FAHD2B: variants seen among roughly 807,000 people sequenced by gnomAD.
FAHD2B encodes fumarylacetoacetate hydrolase domain containing 2B, also known as oxaloacetate tautomerase FAHD2B, mitochondrial.
A neutral mutation model predicts 33.7 loss-of-function variants in FAHD2B; 26 were observed. That is an observed-to-expected ratio of 0.77 (90% confidence interval 0.57 to 1.07). The LOEUF is 1.07. Among genes scored for constraint, FAHD2B ranks in the 50% least tolerant of loss-of-function variants. The pLI, the probability that FAHD2B is intolerant of heterozygous loss-of-function variation, is 0.00. For synonymous variants in FAHD2B, 108 were observed against 150.9 expected, an observed-to-expected ratio of 0.72 and a Z score of 2.08; for missense variants, 272 against 388.1, an observed-to-expected ratio of 0.70 and a Z score of 2.51.
At chr2:97,092,373 T>A (rs1043691354) in intron 1 of FAHD2B, among the ~76,000 whole-genome samples, 1 of 152,114 alleles carries the variant, frequency 6.6e-6, no homozygotes, top group African/African-American at 2.4e-5. Context: ...CCTCCCCAGA[T>A]AATAATTATT....
intron 4 of FAHD2B, among the ~76,000 whole-genome samples, chr2:97,088,141 C>G (rs2032109728): frequency 6.6e-6 from 1 of 152,106 alleles, no homozygotes; most frequent in African/African-American, 2.4e-5. Flanking sequence ...CTATAATCAA[C>G]TTTGATTGGA....
intron 4 of FAHD2B, among the ~76,000 whole-genome samples, chr2:97,088,018 C>T (rs1378168807): frequency 1.3e-5 from 2 of 151,934 alleles, no homozygotes; most frequent in African/African-American, 4.8e-5. Flanking sequence ...AAGAAACAAC[C>T]AGACAAACCC....
At chr2:97,087,822 T>C (rs554727887) in intron 4 of FAHD2B, among the ~76,000 whole-genome samples, 3 of 152,214 alleles carry the variant, frequency 2.0e-5, no homozygotes, top group East Asian at 1.9e-4. Context: ...AACTACCACA[T>C]AGATTGCTTG....
At chr2:97,082,385 T>G (rs1361739153), downstream of FAHD2B, 3 of 1,613,626 alleles carry the variant, frequency 1.9e-6, no homozygotes, top group East Asian at 6.7e-5. Flanking sequence ...GTCTAGGTCT[T>G]CTCTCTTCTG....
chr2:97,081,557 G>A (rs931454432), downstream of FAHD2B: 149 of 1,529,494 alleles, frequency 9.7e-5, 6 homozygotes, highest in Admixed American at 8.8e-4. Flanking sequence ...CCTGGAGCCT[G>A]GCCTCCTCCA....
At chr2:97,084,354 A>C (rs1350767805) in intron 6 of FAHD2B, 77 bp from the exon 7 acceptor site, 6 of 1,560,952 alleles carry the variant, frequency 3.8e-6, no homozygotes, top group Non-Finnish European at 5.2e-6. Context: ...ACACAACTGT[A>C]GGGGCGCTTC....
rs752884099 is a variant in FAHD2B, at chr2:97,084,021, T to TA, written c.808dup (p.Tyr270LeufsTer29). On this transcript the variant is annotated frameshift_variant, in exon 8 of 9. Transcript: ENST00000414820. LOFTEE classifies it high-confidence loss of function. ...CCCAGTTAGGATGACATCCCCTGGG[T>TA]AAAAGGTAACAAACCTGGAGCAAAG... is the stretch of plus-strand genomic sequence containing the variant. 7 of 1,613,486 alleles carry TA rather than the reference T, an allele frequency of 4.3e-6. No homozygotes were observed. The East Asian group carries it at 1.6e-4, about 36-fold the overall frequency.
At chr2:97,080,397 G>A (rs774968093), downstream of FAHD2B, among the ~76,000 whole-genome samples, 1 of 151,956 alleles carries the variant, frequency 6.6e-6, no homozygotes, top group South Asian at 2.1e-4. Flanking sequence ...GGATTGCTGT[G>A]GGGGTGTAGT....
At chr2:97,085,921 G>A (rs2031954477) in intron 5 of FAHD2B, 60 bp from the exon 6 acceptor site, 4 of 1,605,366 alleles carry the variant, frequency 2.5e-6, no homozygotes, top group East Asian at 2.2e-5. Flanking sequence ...ACCAACACCT[G>A]TGGCAAGGGA....
At chr2:97,081,036 G>C, downstream of FAHD2B, 1 of 1,401,854 alleles carries the variant, frequency 7.1e-7, no homozygotes, top group African/African-American at 1.5e-5. Flanking sequence ...TGGAGGCCGA[G>C]GTGGGATGTG....
chr2:97,086,095 C>A (rs1964494), intron 5 of FAHD2B, 44 bp downstream of exon 5: 108,617 of 1,605,356 alleles, frequency 0.068, 4,742 homozygotes, highest in Admixed American at 0.15. Flanking sequence ...GGAGCTGGGG[C>A]CTCTGCTGCA....
At chr2:97,085,603 G>A in intron 6 of FAHD2B, 96 bp downstream of exon 6, 2 of 1,539,382 alleles carry the variant, frequency 1.3e-6, no homozygotes, top group Non-Finnish European at 1.8e-6. Flanking sequence ...CAGCCAGGGA[G>A]GGCAGGTGCC....
At position 97,091,987 on chromosome 2, in the gene FAHD2B, T is replaced by C; in HGVS notation, c.-131A>G. 2.6e-6 allele frequency: 1 copy of C among 386,432 alleles called. No individual in the cohort carries two copies. Among genetic ancestry groups the C allele is most frequent in the Non-Finnish European group, 4.7e-6 (1 of 213,514 alleles). The allele number at this position is 386,432 out of a possible 1,614,324, so 23.9% of individuals were successfully genotyped here. A position where few individuals can be genotyped will look rare whatever the true frequency, so the allele number is the denominator to read the frequency against. Reference sequence around the variant, plus strand: ...TGAAAGTTCCCACTGTGCTTGGCTCTGCTGTAGGTATTGGGGAAACAATGT... The same window carrying C: ...TGAAAGTTCCCACTGTGCTTGGCTCCGCTGTAGGTATTGGGGAAACAATGT... On this transcript the variant is annotated splice_region_variant and 5_prime_UTR_variant, in exon 2 of 9. Coordinates refer to ENST00000414820, the MANE Select transcript of FAHD2B (RefSeq NM_001320848.2).
downstream of FAHD2B, chr2:97,081,393 T>C (rs1221384355): frequency 2.1e-5 from 32 of 1,551,310 alleles, no homozygotes; most frequent in Non-Finnish European, 2.5e-5. Flanking sequence ...CCCCTGCCCA[T>C]GTGCCTGGCT....
chr2:97,082,574 T>A, downstream of FAHD2B: 1 of 1,580,574 alleles, frequency 6.3e-7, no homozygotes, highest in Admixed American at 1.8e-5. Context: ...GGCTGCAGAG[T>A]ACAGACAGTC....
At chr2:97,084,625 G>A (rs1470472938) in intron 6 of FAHD2B, among the ~76,000 whole-genome samples, 7 of 152,054 alleles carry the variant, frequency 4.6e-5, no homozygotes, top group Non-Finnish European at 1.0e-4. Flanking sequence ...CTCCCGGGCA[G>A]GGCCAAGCGT....
intron 4 of FAHD2B, 124 bp downstream of exon 4, chr2:97,089,985 A>C: frequency 8.1e-7 from 1 of 1,238,110 alleles, no homozygotes; most frequent in East Asian, 2.4e-5. Flanking sequence ...TGTGTGTATA[A>C]TCCTGTAGAG....
chr2:97,082,997 C>G (rs2031709473), downstream of FAHD2B: 1 of 936,092 alleles, frequency 1.1e-6, no homozygotes, highest in Admixed American at 2.9e-5. Flanking sequence ...GGTGGGGCTG[C>G]TTTGCGGCAG....
downstream of FAHD2B, chr2:97,082,309 C>T (rs992877470): frequency 6.7e-5 from 106 of 1,589,610 alleles, no homozygotes; most frequent in African/African-American, 6.3e-4. Flanking sequence ...GCCAGCTGCC[C>T]GATACTGGTG....
Sources: allele counts gnomAD v4.1 joint callset (sites outside exome capture counted in the v4.1 genomes callset), GRCh38; gene constraint gnomAD v4.1.1; transcripts MANE v1.5; gene names NCBI Gene and HGNC (gene_info 2026-07-23, HGNC 2026-07-21).